Variants in RBM47 observed in about 807,000 individuals in gnomAD.
The protein encoded by RBM47 is RNA-binding protein 47.
RBM47 carries 21 observed loss-of-function variants against 47.1 expected under a neutral mutation model. That is an observed-to-expected ratio of 0.45 (90% CI 0.32 to 0.64). The LOEUF is 0.64. Among genes scored for constraint, RBM47 ranks in the 30% least tolerant of loss-of-function variants. The probability of loss-of-function intolerance (pLI) is 0.05; values close to 1 mark genes in which losing one functional copy is unlikely to be tolerated. For missense variants in RBM47, 708 were observed against 870.9 expected, an observed-to-expected ratio of 0.81 and a Z score of 2.35; for synonymous variants, 375 against 361.7, an observed-to-expected ratio of 1.04 and a Z score of -0.42.
chr4:40,503,892 G>T (rs558460415), intron 2 of RBM47, among the ~76,000 whole-genome samples: 12 of 152,182 alleles, frequency 7.9e-5, no homozygotes, highest in South Asian at 6.2e-4. Context: ...ATGAAATTAG[G>T]CTGGGCATGG....
At chr4:40,485,827 A>G (rs1297829588) in intron 2 of RBM47, among the ~76,000 whole-genome samples, 1 of 151,020 alleles carries the variant, frequency 6.6e-6, no homozygotes, top group Non-Finnish European at 1.5e-5. Flanking sequence ...TGGGAGGCTG[A>G]GGTGGGCGGA....
chr4:40,579,861 C>A (rs1310160560), intron 1 of RBM47, among the ~76,000 whole-genome samples: 1 of 152,054 alleles, frequency 6.6e-6, no homozygotes, highest in Non-Finnish European at 1.5e-5. Context: ...GATCCTCCTA[C>A]CTCAGTCTCC....
At chr4:40,539,484 T>C (rs1351791866) in intron 2 of RBM47, among the ~76,000 whole-genome samples, 2 of 152,066 alleles carry the variant, frequency 1.3e-5, no homozygotes, top group East Asian at 1.9e-4. Flanking sequence ...CTCGTGCCTG[T>C]AATCCCAGCA....
At chr4:40,511,265 C>CA (rs1439311268) in intron 2 of RBM47, among the ~76,000 whole-genome samples, 3 of 152,180 alleles carry the variant, frequency 2.0e-5, no homozygotes, top group Non-Finnish European at 4.4e-5. Context: ...TCAGAAAAGA[C>CA]AGCAGGCCTG....
intron 2 of RBM47, among the ~76,000 whole-genome samples, chr4:40,476,729 A>G (rs1311944014): frequency 1.3e-5 from 2 of 152,140 alleles, no homozygotes; most frequent in Non-Finnish European, 2.9e-5. Context: ...TGCCTGGAGG[A>G]GGTCCTGAAA....
chr4:40,556,496 G>C (rs1730100799), intron 1 of RBM47, among the ~76,000 whole-genome samples: 1 of 152,062 alleles, frequency 6.6e-6, no homozygotes, highest in African/African-American at 2.4e-5. Context: ...GACAAAGTGA[G>C]ACTCTGTCTC....
intron 3 of RBM47, among the ~76,000 whole-genome samples, chr4:40,445,059 G>T (rs976545650): frequency 6.6e-6 from 1 of 151,992 alleles, no homozygotes; most frequent in South Asian, 2.1e-4. Flanking sequence ...CGGATCACAA[G>T]GTCAGGAGAT....
In RBM47 at chr4:40,466,223, G is replaced by A. The variant is rs372628969; in HGVS notation, c.-32+354C>T. Reference sequence around the variant, plus strand: ...GTGAAGGCTGCAGTGAGCTGAGATCGTGCCACTGCACTCCACCCTGGGTAA... The same window carrying A: ...GTGAAGGCTGCAGTGAGCTGAGATCATGCCACTGCACTCCACCCTGGGTAA... On this transcript the variant is annotated intron_variant, in intron 3 of 6. Coordinates refer to ENST00000295971, the MANE Select transcript of RBM47 (RefSeq NM_001098634.2). 7.6e-3 allele frequency among the ~76,000 whole-genome samples: 986 copies of A among 130,292 alleles called. 13 individuals are homozygous for A. Among genetic ancestry groups the A allele is most frequent in the African/African-American group, 0.026 (920 of 35,232 alleles). 85.5% of individuals were successfully genotyped at this position (130,292 alleles called of 152,430 possible).
Position 40,438,630 on chromosome 4 carries a change from C to A in RBM47, c.264G>T (p.Val88=), listed in dbSNP as rs750610853. ...IPRDVYEDEL[V]PVFEAVGRIY... ...TGCGGCCCACGGCCTCGAACACGGG[C>A]ACCAGCTCGTCCTCGTACACGTCGC... The change falls in exon 4 of 7, where the codon GTG becomes GTT. Residue 88 remains valine (V), a synonymous_variant. Transcript: ENST00000295971. 12 of 1,613,316 alleles carry A rather than the reference C, an allele frequency of 7.4e-6. No individual in the cohort carries two copies. Among genetic ancestry groups the A allele is most frequent in the African/African-American group, 6.7e-5 (5 of 74,952 alleles).
chr4:40,466,952 A>AT (rs1181087164), intron 2 of RBM47, among the ~76,000 whole-genome samples: 3 of 152,026 alleles, frequency 2.0e-5, no homozygotes, highest in Admixed American at 6.6e-5. Context: ...AAAATGACTA[A>AT]TTTCTTCCAT....
At chr4:40,592,492 TCAGCTCAC>T (rs1391174769) in intron 1 of RBM47, among the ~76,000 whole-genome samples, 1 of 150,968 alleles carries the variant, frequency 6.6e-6, no homozygotes, top group Non-Finnish European at 1.5e-5. Context: ...TGGCATGATC[TCAGCTCAC>T]CGCAACCTCC....
intron 1 of RBM47, among the ~76,000 whole-genome samples, chr4:40,576,264 G>GGGGC (rs1553903914): frequency 2.2e-5 from 3 of 135,792 alleles, no homozygotes; most frequent in Non-Finnish European, 4.7e-5. Flanking sequence ...TTTGGGGGGG[G>GGGGC]GCGGAGACAG....
chr4:40,568,943 T>C (rs756862742), intron 1 of RBM47, among the ~76,000 whole-genome samples: 5 of 151,522 alleles, frequency 3.3e-5, no homozygotes, highest in Non-Finnish European at 7.4e-5. Context: ...ATTGCGCCAT[T>C]GCACTCCAGC....
chr4:40,467,661 A>ATCT (rs1370066982), intron 2 of RBM47, among the ~76,000 whole-genome samples: 1 of 152,196 alleles, frequency 6.6e-6, no homozygotes, highest in Non-Finnish European at 1.5e-5. Context: ...GGGGTTTAGA[A>ATCT]TAATCTTTAA....
At chr4:40,524,897 T>C (rs1222080154) in intron 2 of RBM47, among the ~76,000 whole-genome samples, 2 of 152,182 alleles carry the variant, frequency 1.3e-5, no homozygotes, top group Non-Finnish European at 2.9e-5. Flanking sequence ...CCAAAACAAA[T>C]GCAAACGTTG....
At chr4:40,567,411 T>C (rs1731203057) in intron 1 of RBM47, among the ~76,000 whole-genome samples, 1 of 152,088 alleles carries the variant, frequency 6.6e-6, no homozygotes, top group Admixed American at 6.5e-5. Flanking sequence ...AAAGATTCTA[T>C]AATTATGACC....
intron 1 of RBM47, among the ~76,000 whole-genome samples, chr4:40,618,732 C>G (rs1736969717): frequency 7.2e-6 from 1 of 139,380 alleles, no homozygotes; most frequent in Non-Finnish European, 1.5e-5. Context: ...TTGCTTGAAC[C>G]TGGGAGGTAG....
chr4:40,564,183 G>A (rs6828464), intron 1 of RBM47, among the ~76,000 whole-genome samples: 10 of 152,340 alleles, frequency 6.6e-5, no homozygotes, highest in African/African-American at 2.4e-4. Flanking sequence ...GCTCTGGCCA[G>A]TGGATGCAGA....
chr4:40,597,791 C>T (rs1226839394), intron 1 of RBM47, among the ~76,000 whole-genome samples: 2 of 152,142 alleles, frequency 1.3e-5, no homozygotes, highest in Non-Finnish European at 2.9e-5. Flanking sequence ...CAAACAATAG[C>T]ACCTGCCCAT....
Sources: allele counts gnomAD v4.1 joint callset (sites outside exome capture counted in the v4.1 genomes callset), GRCh38; gene constraint gnomAD v4.1.1; transcripts MANE v1.5; gene names NCBI Gene and HGNC (gene_info 2026-07-23, HGNC 2026-07-21).